Variants in RASL10B observed in about 807,000 individuals in gnomAD.
RASL10B encodes the protein RAS like family 10 member B, also known as ras-like protein family member 10B.
A neutral mutation model predicts 20.7 loss-of-function variants in RASL10B; 10 were observed. The observed-to-expected ratio is 0.48, with a 90% confidence interval of 0.30 to 0.82. RASL10B has a LOEUF of 0.82. Ranked by LOEUF, RASL10B falls within the 40% of genes least tolerant of loss-of-function variation. RASL10B has a pLI of 0.07. For missense variants in RASL10B, 231 were observed against 295.4 expected (o/e 0.78, Z 1.60); for synonymous variants, 110 against 123.3 (o/e 0.89, Z 0.72).
At chr17:35,739,279 G>A (rs1184238305) in intron 2 of RASL10B, among the ~76,000 whole-genome samples, 2 of 152,178 alleles carry the variant, frequency 1.3e-5, no homozygotes, top group East Asian at 3.9e-4. Context: ...CAATTCAGAT[G>A]CTGGGACAGG....
At chr17:35,732,046 C>T (rs1044116390) in intron 1 of RASL10B, among the ~76,000 whole-genome samples, 168 bp downstream of exon 1, 1 of 147,686 alleles carries the variant, frequency 6.8e-6, no homozygotes, top group African/African-American at 2.5e-5. Flanking sequence ...GGGGCCGCCA[C>T]GTGAGAGCTG....
Position 35,733,029 on chromosome 17 carries a change from G to A in RASL10B, c.-148+1151G>A, listed in dbSNP as rs1322987402. On this transcript the variant is annotated intron_variant, in intron 1 of 3. Transcript: ENST00000603017. Reference sequence around the variant, plus strand: ...AAGGGACACTGCATGGGGCAGGAAGGAGTTCAGGGTCCTAATCTTAGTTAA... The same window carrying A: ...AAGGGACACTGCATGGGGCAGGAAGAAGTTCAGGGTCCTAATCTTAGTTAA... Among the ~76,000 whole-genome samples the A allele has an allele frequency of 1.7e-4, 26 of 152,230 alleles. 1 individual carries two copies. Among genetic ancestry groups the A allele is most frequent in the African/African-American group, 6.0e-4 (25 of 41,456 alleles).
chr17:35,738,356 G>T (rs1227779644), intron 2 of RASL10B, among the ~76,000 whole-genome samples: 1 of 152,130 alleles, frequency 6.6e-6, no homozygotes, highest in African/African-American at 2.4e-5. Context: ...AGGCACCAAA[G>T]ATTAAGTATA....
At chr17:35,732,237 G>A (rs2085562776) in intron 1 of RASL10B, among the ~76,000 whole-genome samples, 2 of 152,234 alleles carry the variant, frequency 1.3e-5, no homozygotes, top group South Asian at 4.1e-4. Flanking sequence ...CGGCCCTCGG[G>A]ATCCGCGAAG....
rs1276936516 is a variant in RASL10B, at chr17:35,735,758, G to C, written c.216+358G>C. Among the ~76,000 whole-genome samples, 1 of 152,228 alleles carries C rather than the reference G, an allele frequency of 6.6e-6. No individual in the cohort carries two copies. The highest frequency in any genetic ancestry group is 1.5e-5 in the Non-Finnish European group (1 of 68,036). On this transcript the variant is annotated intron_variant, in intron 2 of 3. Coordinates refer to ENST00000603017, the MANE Select transcript of RASL10B (RefSeq NM_033315.4). The surrounding 1 kb of genome is among the most constrained non-coding windows in gnomAD (Gnocchi z 6.7). ...TATGATTGGAGGAGCAGGGAGCTGG[G>C]GCAGCCCTTAAGGGGGCATCTAGGC...
In RASL10B at chr17:35,735,748, A is replaced by G. The variant is rs908315089; in HGVS notation, c.216+348A>G. 1.2e-4 allele frequency among the ~76,000 whole-genome samples: 18 copies of G among 152,236 alleles called. No homozygotes were observed. The highest frequency in any genetic ancestry group is 7.9e-4 in the Admixed American group (12 of 15,280). ...TGATAAGTTCTATGATTGGAGGAGCAGGGAGCTGGGGCAGCCCTTAAGGGG... is the reference window on the plus strand; with the variant it reads ...TGATAAGTTCTATGATTGGAGGAGCGGGGAGCTGGGGCAGCCCTTAAGGGG... On this transcript the variant is annotated intron_variant, in intron 2 of 3. Coordinates refer to ENST00000603017, the MANE Select transcript of RASL10B (RefSeq NM_033315.4). This position sits in a 1 kb window ranked among gnomAD's most constrained non-coding sequence, Gnocchi z 6.7.
In RASL10B at chr17:35,742,488, C is replaced by T. The variant is rs1237885110; in HGVS notation, c.*1183C>T. On this transcript the variant is annotated 3_prime_UTR_variant, in exon 4 of 4. Transcript: ENST00000603017. ...AGGATCTGACACCCTCTTGTCCCAA[C>T]ACCAGTCAGCCCTATACCCTAACTC... 1 of 152,764 alleles carries T rather than the reference C, an allele frequency of 6.5e-6. No homozygotes were observed. Among genetic ancestry groups the T allele is most frequent in the Non-Finnish European group, 1.5e-5 (1 of 68,130 alleles). The allele number at this position is 152,764 out of a possible 1,614,324, so 9.5% of individuals were successfully genotyped here. A position where few individuals can be genotyped will look rare whatever the true frequency, so the allele number is the denominator to read the frequency against.
At position 35,741,740 on chromosome 17, in the gene RASL10B, C is replaced by T. The variant is rs188273515; in HGVS notation, c.*435C>T. ...GTCTGTTGGTACTTACCTGTCTCAC[C>T]TACCCTCCAGTCCCCTCCCAGCTCC... On this transcript the variant is annotated 3_prime_UTR_variant, in exon 4 of 4. Coordinates refer to ENST00000603017, the MANE Select transcript of RASL10B (RefSeq NM_033315.4). The T allele has an allele frequency of 1.2e-3, 194 of 168,654 alleles. 1 individual carries two copies. The highest frequency in any genetic ancestry group is 4.4e-3 in the African/African-American group (184 of 42,270). 10.4% of individuals were successfully genotyped at this position (168,654 alleles called of 1,614,324 possible).
chr17:35,735,132 C>G lies in RASL10B; in HGVS notation c.-53C>G. 1 of 1,562,100 alleles carries G rather than the reference C, an allele frequency of 6.4e-7. No homozygotes were observed. Among genetic ancestry groups the G allele is most frequent in the South Asian group, 1.1e-5 (1 of 89,164 alleles). ...CCCCCAGCCCCTGGAATATGCAGCC[C>G]GGGGGAGCCCCAGACAGCGGCAAGG... On this transcript the variant is annotated 5_prime_UTR_variant, in exon 2 of 4. Coordinates refer to ENST00000603017, the MANE Select transcript of RASL10B (RefSeq NM_033315.4). The surrounding 1 kb of genome is among the most constrained non-coding windows in gnomAD (Gnocchi z 6.7).
rs2240902 is a variant in RASL10B at position 35,742,559 on chromosome 17, C to T, written c.*1254C>T. On this transcript the variant is annotated 3_prime_UTR_variant, in exon 4 of 4. Coordinates refer to ENST00000603017, the MANE Select transcript of RASL10B (RefSeq NM_033315.4). ...GCTGCCTGGCCGGGTTTCTACCTCT[C>T]GTCACCGGAGCTGATCACTGTCAGT... 4,113 of 152,794 alleles carry T rather than the reference C, an allele frequency of 0.027. 164 individuals carry two copies. Among genetic ancestry groups the T allele is most frequent in the East Asian group, 0.22 (1,133 of 5,162 alleles). 9.5% of individuals were successfully genotyped at this position (152,794 alleles called of 1,614,324 possible).
chr17:35,736,610 CTT>C (rs1555597247), intron 2 of RASL10B, among the ~76,000 whole-genome samples: 1 of 152,208 alleles, frequency 6.6e-6, no homozygotes, highest in East Asian at 1.9e-4. Flanking sequence ...CTAAAGGAGA[CTT>C]TAACAATCAC....
intron 1 of RASL10B, 40 bp downstream of exon 1, chr17:35,731,918 G>A (rs2085560160): frequency 6.6e-6 from 1 of 151,050 alleles, no homozygotes; most frequent in African/African-American, 2.4e-5. Flanking sequence ...GGGGTGGAGC[G>A]GGGCCGGGTC....
At chr17:35,733,469 C>T (rs1555596645) in intron 1 of RASL10B, among the ~76,000 whole-genome samples, 1 of 152,234 alleles carries the variant, frequency 6.6e-6, no homozygotes, top group African/African-American at 2.4e-5. Context: ...TGCGCACATA[C>T]CCCGTGGAGT....
At chr17:35,734,671 G>A (rs1379320629) in intron 1 of RASL10B, among the ~76,000 whole-genome samples, 28 of 152,178 alleles carry the variant, frequency 1.8e-4, no homozygotes, top group Non-Finnish European at 1.5e-5. Flanking sequence ...AGACACACCT[G>A]CCCAGTCCCA....
chr17:35,734,447 C>A (rs2143019420), intron 1 of RASL10B, among the ~76,000 whole-genome samples: 1 of 152,254 alleles, frequency 6.6e-6, no homozygotes, highest in East Asian at 1.9e-4. Context: ...AAGTGCTCAG[C>A]AGTGTTGCAC....
At chr17:35,740,971 C>T (rs1180371881) in intron 3 of RASL10B, 64 bp from the exon 4 acceptor site, 125 of 1,396,212 alleles carry the variant, frequency 9.0e-5, no homozygotes, top group Non-Finnish European at 1.2e-4. Flanking sequence ...GCACAGCCTG[C>T]CCTGCTGGGA....
chr17:35,735,493 C>T lies in RASL10B; in HGVS notation c.216+93C>T. The T allele has an allele frequency of 3.2e-6, 4 of 1,253,910 alleles. No individual in the cohort carries two copies. Among genetic ancestry groups the T allele is most frequent in the Non-Finnish European group, 4.5e-6 (4 of 885,296 alleles). 77.7% of individuals were successfully genotyped at this position (1,253,910 alleles called of 1,614,324 possible). ...ACTGCTGTAGCTTGGGCCCTATTGCCAGGGCCCCATCACTGAGTTTGGGAG... is the reference window on the plus strand; with the variant it reads ...ACTGCTGTAGCTTGGGCCCTATTGCTAGGGCCCCATCACTGAGTTTGGGAG... On this transcript the variant is annotated intron_variant, in intron 2 of 3. Transcript: ENST00000603017. This position sits in a 1 kb window ranked among gnomAD's most constrained non-coding sequence, Gnocchi z 6.7.
Position 35,735,485 on chromosome 17 carries a change from C to G in RASL10B, c.216+85C>G. On this transcript the variant is annotated intron_variant, in intron 2 of 3. Transcript: ENST00000603017. The surrounding 1 kb of genome is among the most constrained non-coding windows in gnomAD (Gnocchi z 6.7). Reference sequence around the variant, plus strand: ...GATTCCAAACTGCTGTAGCTTGGGCCCTATTGCCAGGGCCCCATCACTGAG... The same window carrying G: ...GATTCCAAACTGCTGTAGCTTGGGCGCTATTGCCAGGGCCCCATCACTGAG... The G allele has an allele frequency of 7.2e-7, 1 of 1,389,022 alleles. No homozygotes were observed. The highest frequency in any genetic ancestry group is 1.3e-5 in the South Asian group (1 of 78,738). 86.0% of individuals were successfully genotyped at this position (1,389,022 alleles called of 1,614,324 possible).
At chr17:35,733,261 A>G (rs781962001) in intron 1 of RASL10B, among the ~76,000 whole-genome samples, 1 of 152,140 alleles carries the variant, frequency 6.6e-6, no homozygotes, top group African/African-American at 2.4e-5. Flanking sequence ...GCTTAGATGA[A>G]TGAATGACCC....
Sources: gnomAD v4.1 joint callset for allele counts (sites outside exome capture counted in the v4.1 genomes callset) on GRCh38, gnomAD v4.1.1 for gene constraint, Gnocchi (gnomAD v3.1) non-coding constraint, MANE v1.5 for transcripts, NCBI Gene and HGNC (gene_info 2026-07-23, HGNC 2026-07-21) for gene names.